APCDD1L: variants seen among roughly 807,000 people sequenced by gnomAD.
The protein encoded by APCDD1L is APC down-regulated 1 like, also known as protein APCDD1-like.
APCDD1L carries 21 observed loss-of-function variants against 24.2 expected under a neutral mutation model. The ratio of observed to expected loss-of-function variants is 0.87; its 90% CI spans 0.61 to 1.25. The LOEUF is 1.25. Ranked by LOEUF, APCDD1L falls within the 50% of genes most tolerant of loss-of-function variation. The pLI is 0.00. For missense variants in APCDD1L, 704 were observed against 711.7 expected (o/e 0.99, Z 0.12); for synonymous variants, 321 against 323.6 (o/e 0.99, Z 0.09).
intron 3 of APCDD1L, among the ~76,000 whole-genome samples, chr20:58,462,566 G>A (rs1418939763): frequency 2.6e-5 from 4 of 152,142 alleles, no homozygotes; most frequent in Admixed American, 6.5e-5. Context: ...TGTCTGAGCC[G>A]GGCACAGTGG....
chr20:58,478,433 C>T (rs953793235), intron 1 of APCDD1L, among the ~76,000 whole-genome samples: 5 of 151,220 alleles, frequency 3.3e-5, no homozygotes, highest in Non-Finnish European at 5.9e-5. Context: ...CCTTCCCTTC[C>T]CTTCCCTCAT....
At chr20:58,485,712 A>T (rs1990107494) in intron 1 of APCDD1L, among the ~76,000 whole-genome samples, 1 of 152,214 alleles carries the variant, frequency 6.6e-6, no homozygotes, top group South Asian at 2.1e-4. Flanking sequence ...AAAAATGCAA[A>T]TCAGCATTCT....
intron 1 of APCDD1L, among the ~76,000 whole-genome samples, chr20:58,486,698 A>C (rs1191756160): frequency 1.3e-5 from 2 of 152,150 alleles, no homozygotes; most frequent in Non-Finnish European, 2.9e-5. Flanking sequence ...CCGCCAACCT[A>C]GATTTGTGTA....
In APCDD1L at chr20:58,494,279, T is replaced by A. The variant is rs981980105; in HGVS notation, c.49+20380A>T. 1.4e-5 allele frequency among the ~76,000 whole-genome samples: 2 copies of A among 142,708 alleles called. No individual in the cohort carries two copies. The highest frequency in any genetic ancestry group is 2.4e-4 in the South Asian group (1 of 4,170). 93.6% of individuals were successfully genotyped at this position (142,708 alleles called of 152,430 possible). ...ACTGCATTTCTTTTTTCTTTTCTTT[T>A]CTTTTCTTACTTTTCTTTTCTCTTC... is the stretch of plus-strand genomic sequence containing the variant. On this transcript the variant is annotated intron_variant, in intron 1 of 3. Coordinates refer to ENST00000371149, the MANE Select transcript of APCDD1L (RefSeq NM_153360.3). This position sits in a 1 kb window ranked among gnomAD's most constrained non-coding sequence, Gnocchi z 4.8.
In APCDD1L at chr20:58,461,213, G is replaced by A; in HGVS notation, c.1083C>T (p.Thr361=). The A allele has an allele frequency of 2.5e-6, 4 of 1,613,580 alleles. No individual in the cohort carries two copies. Among genetic ancestry groups the A allele is most frequent in the Non-Finnish European group, 3.4e-6 (4 of 1,179,864 alleles). Residue 361 remains threonine, a synonymous_variant, in exon 4 of 4, where the codon ACC becomes ACT. Coordinates refer to ENST00000371149, the MANE Select transcript of APCDD1L (RefSeq NM_153360.3). The surrounding 1 kb of genome is among the most constrained non-coding windows in gnomAD (Gnocchi z 6.0). ...TGGCCGTGGTGACCTGGTCCATGGG[G>A]GTCACATGGGCCCGTGTGACCTCAA... ...LVFEVTRAHV[T]PMDQVTTAML... is the part of the protein sequence containing the mutation.
intron 1 of APCDD1L, among the ~76,000 whole-genome samples, chr20:58,501,682 G>A (rs567849470): frequency 5.3e-5 from 8 of 152,278 alleles, no homozygotes; most frequent in Admixed American, 3.3e-4. Context: ...ACCTCCACAC[G>A]CACAGGGGAA....
chr20:58,509,535 A>T (rs754530512), intron 1 of APCDD1L, among the ~76,000 whole-genome samples: 11 of 152,142 alleles, frequency 7.2e-5, no homozygotes, highest in Non-Finnish European at 1.6e-4. Flanking sequence ...GACGGGACTA[A>T]CAACTCACCT....
Position 58,470,742 on chromosome 20 carries a change from T to C in APCDD1L, c.55A>G (p.Thr19Ala), listed in dbSNP as rs773610872. 5.9e-6 allele frequency: 9 copies of C among 1,536,520 alleles called. No homozygotes were observed. The highest frequency in any genetic ancestry group is 7.9e-6 in the Non-Finnish European group (9 of 1,146,096). The change falls in exon 2 of 4, where the codon ACT becomes GCT. Residue 19 changes from threonine (T) to alanine (A), a missense_variant. Transcript: ENST00000371149. ...ACVLVLLGAH[T>A]APAAGEAGGS... is the part of the protein sequence containing the mutation. ...CCGGCCTCCCCAGCCGCCGGTGCAG[T>C]GTGGGCTGCAAAGCAGACAGACCTG...
chr20:58,484,545 A>T (rs1189755886), intron 1 of APCDD1L, among the ~76,000 whole-genome samples: 1 of 152,108 alleles, frequency 6.6e-6, no homozygotes. Context: ...GTCATCCTAT[A>T]CCTATTATTT....
intron 1 of APCDD1L, among the ~76,000 whole-genome samples, chr20:58,489,529 A>G (rs754956284): frequency 2.3e-4 from 35 of 152,138 alleles, no homozygotes; most frequent in Non-Finnish European, 3.8e-4. Context: ...TAAAAATACA[A>G]AAAAATTAGC....
intron 1 of APCDD1L, among the ~76,000 whole-genome samples, chr20:58,503,557 T>C (rs886234846): frequency 6.6e-6 from 1 of 152,234 alleles, no homozygotes; most frequent in Non-Finnish European, 1.5e-5. Context: ...TATCTACATA[T>C]ACTTTTGGAA....
chr20:58,502,108 TTTG>T (rs1990447413), intron 1 of APCDD1L, among the ~76,000 whole-genome samples: 1 of 152,196 alleles, frequency 6.6e-6, no homozygotes, highest in Non-Finnish European at 1.5e-5. Context: ...GTTTTTTTGT[TTTG>T]TTTTGTTTTG....
Position 58,461,227 on chromosome 20 carries a change from G to T in APCDD1L, c.1069C>A (p.Arg357=). ...TGGTCCATGGGGGTCACATGGGCCC[G>T]TGTGACCTCAAACACCAGCTCGGTG... ...GGTELVFEVT[R]AHVTPMDQVT... Residue 357 remains arginine, a synonymous_variant, in exon 4 of 4, where the codon CGG becomes AGG. Transcript: ENST00000371149. This position sits in a 1 kb window ranked among gnomAD's most constrained non-coding sequence, Gnocchi z 6.0. 6.2e-7 allele frequency: 1 copy of T among 1,613,630 alleles called. No homozygotes were observed. The highest frequency in any genetic ancestry group is 8.5e-7 in the Non-Finnish European group (1 of 1,179,900).
intron 2 of APCDD1L, among the ~76,000 whole-genome samples, chr20:58,468,200 G>T (rs1989752994): frequency 6.6e-6 from 1 of 152,174 alleles, no homozygotes; most frequent in East Asian, 1.9e-4. Context: ...GTTTTGGTGG[G>T]CTGGGTGGTT....
chr20:58,485,511 G>C (rs1329833204), intron 1 of APCDD1L, among the ~76,000 whole-genome samples: 1 of 152,032 alleles, frequency 6.6e-6, no homozygotes, highest in Non-Finnish European at 1.5e-5. Flanking sequence ...ATAAACAAGG[G>C]GTGCAAGTTA....
intron 1 of APCDD1L, among the ~76,000 whole-genome samples, chr20:58,509,729 C>T (rs1990592668): frequency 6.6e-6 from 1 of 152,176 alleles, no homozygotes; most frequent in African/African-American, 2.4e-5. Flanking sequence ...ACTTTCAGGG[C>T]TGGAAGCAAA....
chr20:58,498,147 G>C (rs980863894), intron 1 of APCDD1L, among the ~76,000 whole-genome samples: 2 of 152,106 alleles, frequency 1.3e-5, no homozygotes, highest in Non-Finnish European at 2.9e-5. Flanking sequence ...CAATGGAAAA[G>C]TCCCTTGTTT....
Position 58,467,137 on chromosome 20 carries a change from G to A in APCDD1L, c.710C>T (p.Thr237Met), listed in dbSNP as rs1319166809. Residue 237 changes from threonine (T) to methionine (M), a missense_variant, in exon 3 of 4, where the codon ACG (threonine) becomes ATG (methionine). Transcript: ENST00000371149. The surrounding 1 kb of genome is among the most constrained non-coding windows in gnomAD (Gnocchi z 5.9). ...GCTCTGCAGCGGGCGCTGGTAGCCCGTGGGCCGGTAGTGCCGCCTCTCCGC... is the reference window on the plus strand; with the variant it reads ...GCTCTGCAGCGGGCGCTGGTAGCCCATGGGCCGGTAGTGCCGCCTCTCCGC... Reference protein sequence around the residue: ...DPAERRHYRPTGYQRPLQSAL... With the variant: ...DPAERRHYRPMGYQRPLQSAL... 1.9e-6 allele frequency: 3 copies of A among 1,607,956 alleles called. No individual in the cohort carries two copies. The highest frequency in any genetic ancestry group is 4.5e-5 in the East Asian group (2 of 44,768).
Position 58,508,039 on chromosome 20 carries a change from C to A in APCDD1L, c.49+6620G>T, listed in dbSNP as rs546583931. Reference sequence around the variant, plus strand: ...TCCTAGGTCACCCATGGGGGTGGTGCTGGTACAACTCATTTGGAAAAAAAG... The same window carrying A: ...TCCTAGGTCACCCATGGGGGTGGTGATGGTACAACTCATTTGGAAAAAAAG... On this transcript the variant is annotated intron_variant, in intron 1 of 3. Transcript: ENST00000371149. The surrounding 1 kb of genome is among the most constrained non-coding windows in gnomAD (Gnocchi z 4.0). 1.3e-5 allele frequency among the ~76,000 whole-genome samples: 2 copies of A among 152,324 alleles called. No individual in the cohort carries two copies. The highest frequency in any genetic ancestry group is 3.9e-4 in the East Asian group (2 of 5,186).
Sources: allele counts gnomAD v4.1 joint callset (sites outside exome capture counted in the v4.1 genomes callset), GRCh38; gene constraint gnomAD v4.1.1; non-coding constraint Gnocchi (gnomAD v3.1); transcripts MANE v1.5; gene names NCBI Gene and HGNC (gene_info 2026-07-23, HGNC 2026-07-21).